LOXL2: variants seen among roughly 807,000 people sequenced by gnomAD.
LOXL2 encodes lysyl oxidase homolog 2.
LOXL2 carries 70 observed loss-of-function variants against 93.0 expected under a neutral mutation model. The ratio of observed to expected loss-of-function variants is 0.75; its 90% CI spans 0.62 to 0.92. LOXL2 has a LOEUF of 0.92. Among genes scored for constraint, LOXL2 ranks in the 40% least tolerant of loss-of-function variants. The probability of loss-of-function intolerance (pLI) is 0.00; values close to 1 mark genes in which losing one functional copy is unlikely to be tolerated. For missense variants in LOXL2, 973 were observed against 1,054.9 expected (o/e 0.92, Z 1.08); for synonymous variants, 438 against 413.2 (o/e 1.06, Z -0.73).
intron 1 of LOXL2, among the ~76,000 whole-genome samples, chr8:23,378,541 A>C (rs1366688655): frequency 6.6e-6 from 1 of 152,182 alleles, no homozygotes; most frequent in African/African-American, 2.4e-5. Context: ...GTGTTTTCCA[A>C]CTTGGTTCCA....
In LOXL2 at chr8:23,360,211, G is replaced by A. The variant is rs368776641; in HGVS notation, c.410C>T (p.Ala137Val). ...GACGCCCCAGCCATTGGAGGTGCATGCTGCAAGGGTCGCCTCGTTGCCAGT... is the reference window on the plus strand; with the variant it reads ...GACGCCCCAGCCATTGGAGGTGCATACTGCAAGGGTCGCCTCGTTGCCAGT... ...HCTGNEATLA[A>V]CTSNGWGVTD... Residue 137 changes from alanine to valine, a missense_variant, in exon 3 of 14, where the codon GCA becomes GTA. Ala to Val is a moderately conservative substitution (Grantham distance 64). Transcript: ENST00000389131. The A allele has an allele frequency of 6.2e-7, 1 of 1,614,002 alleles. No homozygotes were observed. The highest frequency in any genetic ancestry group is 1.3e-5 in the African/African-American group (1 of 75,052).
At chr8:23,370,173 G>T (rs866350862) in intron 1 of LOXL2, among the ~76,000 whole-genome samples, 1 of 151,922 alleles carries the variant, frequency 6.6e-6, no homozygotes, top group Non-Finnish European at 1.5e-5. Flanking sequence ...CCCCAGCCCT[G>T]CCCATGGCAC....
chr8:23,403,671 C>T (rs936795196), intron 1 of LOXL2, among the ~76,000 whole-genome samples: 8 of 151,984 alleles, frequency 5.3e-5, no homozygotes, highest in Non-Finnish European at 1.2e-4. Context: ...TGATTACGGG[C>T]GCTCGGGACG....
intron 1 of LOXL2, among the ~76,000 whole-genome samples, chr8:23,396,650 TGACTCTTTCAAATCACA>T (rs1800092307): frequency 6.6e-6 from 1 of 151,154 alleles, no homozygotes; most frequent in Non-Finnish European, 1.5e-5. Flanking sequence ...GATTATAAAC[TGACTCTTTCAAATCACA>T]GATTATTAAC....
chr8:23,332,413 G>A (rs1471208191), intron 5 of LOXL2, among the ~76,000 whole-genome samples: 7 of 57,862 alleles, frequency 1.2e-4, no homozygotes, highest in East Asian at 5.9e-4. Context: ...TACACACACC[G>A]CCACACACCC....
At chr8:23,306,316 C>T (rs1803228460) in intron 10 of LOXL2, among the ~76,000 whole-genome samples, 1 of 152,332 alleles carries the variant, frequency 6.6e-6, no homozygotes, top group Non-Finnish European at 1.5e-5. Flanking sequence ...CATCTTTTCC[C>T]ACCCCAGCCA....
intron 1 of LOXL2, among the ~76,000 whole-genome samples, chr8:23,387,243 G>A (rs74369393): frequency 6.6e-6 from 1 of 152,300 alleles, no homozygotes; most frequent in African/African-American, 2.4e-5. Flanking sequence ...GTCCATTCAA[G>A]GTTACAACAT....
chr8:23,380,738 G>T (rs531944705), intron 1 of LOXL2, among the ~76,000 whole-genome samples: 36 of 152,290 alleles, frequency 2.4e-4, no homozygotes, highest in African/African-American at 8.4e-4. Context: ...TAAGGGCTGG[G>T]CACAGTGGTT....
At chr8:23,357,988 A>T (rs912620960) in intron 3 of LOXL2, among the ~76,000 whole-genome samples, 2 of 152,228 alleles carry the variant, frequency 1.3e-5, no homozygotes, top group African/African-American at 4.8e-5. Context: ...GCATACAATG[A>T]TACATAAGAT....
intron 1 of LOXL2, among the ~76,000 whole-genome samples, chr8:23,372,758 G>T (rs868404801): frequency 4.6e-5 from 7 of 152,104 alleles, no homozygotes; most frequent in African/African-American, 7.2e-5. Flanking sequence ...AATATTGATA[G>T]AACTAAAAGG....
chr8:23,377,602 G>A (rs1804613991), intron 1 of LOXL2, among the ~76,000 whole-genome samples: 1 of 152,046 alleles, frequency 6.6e-6, no homozygotes, highest in African/African-American at 2.4e-5. Context: ...TTAAGGACTT[G>A]CTTTATGAAT....
intron 7 of LOXL2, 133 bp downstream of exon 7, chr8:23,321,997 A>G (rs1001960477): frequency 2.0e-6 from 2 of 1,022,980 alleles, no homozygotes; most frequent in Non-Finnish European, 2.9e-6. Flanking sequence ...TAAACATTGC[A>G]AATGCCAAGT....
At chr8:23,340,816 C>T (rs888567489) in intron 4 of LOXL2, among the ~76,000 whole-genome samples, 176 bp downstream of exon 4, 1 of 152,166 alleles carries the variant, frequency 6.6e-6, no homozygotes, top group African/African-American at 2.4e-5. Context: ...TGCCACGGGG[C>T]ACCCTTGAAC....
intron 2 of LOXL2, 27 bp from the exon 3 acceptor site, chr8:23,360,292 C>A: frequency 1.3e-6 from 2 of 1,559,862 alleles, no homozygotes; most frequent in Admixed American, 1.8e-5. Context: ...GGAGAGAAAC[C>A]AAGTGCTGCG....
chr8:23,314,924 A>G (rs1803370553), intron 9 of LOXL2, among the ~76,000 whole-genome samples: 2 of 152,354 alleles, frequency 1.3e-5, no homozygotes, highest in South Asian at 4.1e-4. Context: ...GGAGGGTCAA[A>G]GCCAGTGTGG....
At chr8:23,390,833 A>G (rs1285074228) in intron 1 of LOXL2, among the ~76,000 whole-genome samples, 1 of 152,192 alleles carries the variant, frequency 6.6e-6, no homozygotes, top group Non-Finnish European at 1.5e-5. Flanking sequence ...CTGTTTTCAC[A>G]CTACTGATAA....
In LOXL2 at chr8:23,322,214, C is replaced by T. The variant is rs1803508159; in HGVS notation, c.1218G>A (p.Lys406=). The change falls in exon 7 of 14, where the codon AAG becomes AAA. Residue 406 remains lysine (K), a synonymous_variant. Coordinates refer to ENST00000389131, the MANE Select transcript of LOXL2 (RefSeq NM_002318.3). ...TGNEKSIIDC[K]FNAESQGCNH... is the part of the protein sequence containing the mutation. ...TGCAGCCCTGAGACTCGGCATTGAACTTGCAGTCTATAATGGACTTCTCAT... is the reference window on the plus strand; with the variant it reads ...TGCAGCCCTGAGACTCGGCATTGAATTTGCAGTCTATAATGGACTTCTCAT... 3 of 1,614,104 alleles carry T rather than the reference C, an allele frequency of 1.9e-6. No individual in the cohort carries two copies. The highest frequency in any genetic ancestry group is 1.3e-5 in the African/African-American group (1 of 74,942).
chr8:23,340,727 T>C (rs541575251), intron 4 of LOXL2, among the ~76,000 whole-genome samples: 5 of 152,326 alleles, frequency 3.3e-5, no homozygotes, highest in Admixed American at 3.3e-4. Flanking sequence ...ATCTCACTTC[T>C]GCAATACGCC....
At chr8:23,401,540 C>T (rs537374435) in intron 1 of LOXL2, among the ~76,000 whole-genome samples, 30 of 152,196 alleles carry the variant, frequency 2.0e-4, no homozygotes, top group Non-Finnish European at 3.4e-4. Flanking sequence ...GGACAGATGA[C>T]GTACATGTGG....
Sources: allele counts gnomAD v4.1 joint callset (sites outside exome capture counted in the v4.1 genomes callset), GRCh38; gene constraint gnomAD v4.1.1; transcripts MANE v1.5; gene names NCBI Gene and HGNC (gene_info 2026-07-23, HGNC 2026-07-21).